The following NEXMIF variants were observed in gnomAD, a reference collection of about 807,000 sequenced individuals.
The protein encoded by NEXMIF is XLMR protein related to neurite extension.
In NEXMIF, 8 loss-of-function variants were observed where a neutral mutation model predicts 62.1. The ratio of observed to expected loss-of-function variants is 0.13; its 90% CI spans 0.08 to 0.23. The LOEUF (loss-of-function observed/expected upper bound fraction) is 0.23, where lower values mean the gene tolerates loss of function less well. NEXMIF is among the 10% of genes least tolerant of loss of function. The pLI is 1.00. For missense variants in NEXMIF, 976 were observed against 1,113.3 expected, an observed-to-expected ratio of 0.88 and a Z score of 1.75; for synonymous variants, 404 against 416.6, an observed-to-expected ratio of 0.97 and a Z score of 0.37.
At chrX:74,796,209 T>TATATATATACATATATAATA (rs1491129454) in intron 1 of NEXMIF, among the ~76,000 whole-genome samples, 2 of 46,615 alleles carry the variant, frequency 4.3e-5, no homozygotes, top group South Asian at 9.0e-4. Flanking sequence ...TACATATATA[T>TATATATATACATATATAATA]TATATATATA....
chrX:74,737,078 T>C lies in NEXMIF; in HGVS notation c.*2327A>G, dbSNP rs776879992. 8.9e-6 allele frequency: 1 copy of C among 112,150 alleles called. No individual in the cohort carries two copies. Among genetic ancestry groups the C allele is most frequent in the Non-Finnish European group, 1.9e-5 (1 of 53,154 alleles). 9.2% of individuals were successfully genotyped at this position (112,150 alleles called of 1,213,427 possible). A position where few individuals can be genotyped will look rare whatever the true frequency, so the allele number is the denominator to read the frequency against. On this transcript the variant is annotated 3_prime_UTR_variant, in exon 4 of 4. Transcript: ENST00000055682. ...CCATATTTACTTTTATAAAAACACA[T>C]TGTATTAATGGAACATTTTCTTTAT...
rs1442938788 is a variant in NEXMIF, at chrX:74,742,304, T to C, written c.2253A>G (p.Glu751=). The change falls in exon 3 of 4, where the codon GAA becomes GAG. Residue 751 remains glutamate, a synonymous_variant. Coordinates refer to ENST00000055682, the MANE Select transcript of NEXMIF (RefSeq NM_001008537.3). ...TTAAATTAGCCTTTGAGGATTGGTTTTCCAAGAGAGGGCTCATTTGAACAA... is the reference window on the plus strand; with the variant it reads ...TTAAATTAGCCTTTGAGGATTGGTTCTCCAAGAGAGGGCTCATTTGAACAA... ...KPIVQMSPLL[E]NQSSKANLKN... is the part of the protein sequence containing the mutation. 8.3e-7 allele frequency: 1 copy of C among 1,211,856 alleles called. No homozygotes were observed. The highest frequency in any genetic ancestry group is 1.8e-5 in the South Asian group (1 of 56,987).
chrX:74,880,335 T>C (rs1456940885), intron 1 of NEXMIF, among the ~76,000 whole-genome samples: 1 of 111,365 alleles, frequency 9.0e-6, no homozygotes. Context: ...ATGGAACTCG[T>C]AGCTCAGCAT....
chrX:74,908,971 C>T (rs1177773340), intron 1 of NEXMIF, among the ~76,000 whole-genome samples: 1 of 111,648 alleles, frequency 9.0e-6, no homozygotes, highest in Non-Finnish European at 1.9e-5. Flanking sequence ...CTTTCACCTC[C>T]CGCCATGATT....
chrX:74,919,762 C>T (rs1015822036), intron 1 of NEXMIF, among the ~76,000 whole-genome samples: 1 of 110,928 alleles, frequency 9.0e-6, no homozygotes, highest in Non-Finnish European at 1.9e-5. Context: ...TCTCCTAATG[C>T]TATCCTTCCT....
At chrX:74,867,555 A>G (rs1277784579) in intron 1 of NEXMIF, among the ~76,000 whole-genome samples, 2 of 112,411 alleles carry the variant, frequency 1.8e-5, no homozygotes. Context: ...TATTCAATAA[A>G]TGGTGCTGAG....
intron 1 of NEXMIF, among the ~76,000 whole-genome samples, chrX:74,906,735 T>C (rs1461078143): frequency 9.0e-6 from 1 of 111,034 alleles, no homozygotes; most frequent in African/African-American, 3.3e-5. Flanking sequence ...TTAAGCTAAA[T>C]ATCTTACTAC....
intron 1 of NEXMIF, among the ~76,000 whole-genome samples, chrX:74,789,680 G>C (rs1195567183): frequency 1.8e-5 from 2 of 110,523 alleles, no homozygotes; most frequent in Non-Finnish European, 3.8e-5. Flanking sequence ...ACTGGTGTGA[G>C]ATGGTATCTC....
At chrX:74,768,027 C>T (rs988132581) in intron 1 of NEXMIF, among the ~76,000 whole-genome samples, 7 of 111,143 alleles carry the variant, frequency 6.3e-5, no homozygotes, top group African/African-American at 2.0e-4. Context: ...CTGGGAAGCC[C>T]GGATATCTAA....
intron 1 of NEXMIF, among the ~76,000 whole-genome samples, chrX:74,760,572 A>G (rs2080172842): frequency 9.0e-6 from 1 of 111,576 alleles, no homozygotes; most frequent in African/African-American, 3.3e-5. Flanking sequence ...TTCAATACCT[A>G]GTTTATTGAG....
intron 1 of NEXMIF, among the ~76,000 whole-genome samples, chrX:74,847,339 A>G (rs964917434): frequency 1.8e-5 from 2 of 112,029 alleles, no homozygotes; most frequent in Non-Finnish European, 3.8e-5. Flanking sequence ...CAAAATAAAT[A>G]TAGTTTCTCC....
At chrX:74,822,437 C>A (rs1449770095) in intron 1 of NEXMIF, among the ~76,000 whole-genome samples, 2 of 111,799 alleles carry the variant, frequency 1.8e-5, no homozygotes, top group Admixed American at 9.5e-5. Flanking sequence ...AAAGACACCA[C>A]CAAAAATGGA....
At chrX:74,829,258 C>T (rs756523568) in intron 1 of NEXMIF, among the ~76,000 whole-genome samples, 1 of 112,001 alleles carries the variant, frequency 8.9e-6, no homozygotes, top group Non-Finnish European at 1.9e-5. Context: ...TGAGTTTAAT[C>T]GTTTTGATTA....
intron 1 of NEXMIF, among the ~76,000 whole-genome samples, chrX:74,788,454 C>A (rs959742324): frequency 3.6e-5 from 4 of 111,098 alleles, no homozygotes; most frequent in Non-Finnish European, 7.5e-5. Context: ...GCCCTGTGAG[C>A]ATGAATGGGC....
At chrX:74,768,848 T>C (rs2080202041) in intron 1 of NEXMIF, among the ~76,000 whole-genome samples, 1 of 111,872 alleles carries the variant, frequency 8.9e-6, no homozygotes, top group Non-Finnish European at 1.9e-5. Context: ...CTAATAAAAC[T>C]GGGTCCCGCT....
intron 1 of NEXMIF, among the ~76,000 whole-genome samples, chrX:74,776,481 G>A (rs1426657112): frequency 2.7e-5 from 3 of 110,879 alleles, no homozygotes; most frequent in East Asian, 2.8e-4. Context: ...ATCCCAGCAC[G>A]TTGGGAGGCC....
Position 74,745,662 on chromosome X carries a change from CT to C in NEXMIF, c.-13del. On this transcript the variant is annotated 5_prime_UTR_variant, in exon 2 of 4. The change abolishes the stop of an existing upstream ORF in the 5' untranslated region. Transcript: ENST00000055682. The stretch of plus-strand genomic sequence containing the variant: ...TGTTGGTTATCCATGAATATAACCT[CT>C]TATTGTTTCATTCCAAGTCCAAATG... The C allele has an allele frequency of 9.2e-7, 1 of 1,085,074 alleles. No individual in the cohort carries two copies. The highest frequency in any genetic ancestry group is 1.3e-6 in the Non-Finnish European group (1 of 780,508). The allele number at this position is 1,085,074 out of a possible 1,213,427, so 89.4% of individuals were successfully genotyped here.
chrX:74,792,404 C>T (rs1267288921), intron 1 of NEXMIF, among the ~76,000 whole-genome samples: 7 of 104,832 alleles, frequency 6.7e-5, no homozygotes, highest in Non-Finnish European at 1.2e-4. Flanking sequence ...AGTATGTGGT[C>T]AATTTTGGAA....
intron 1 of NEXMIF, among the ~76,000 whole-genome samples, chrX:74,855,659 G>A (rs1347315543): frequency 8.9e-6 from 1 of 112,155 alleles, no homozygotes; most frequent in Non-Finnish European, 1.9e-5. Context: ...GACTGACCCT[G>A]AGGTTCTAAG....
Sources: gnomAD v4.1 joint callset for allele counts (sites outside exome capture counted in the v4.1 genomes callset) on GRCh38, gnomAD v4.1.1 for gene constraint, MANE v1.5 for transcripts, NCBI Gene and HGNC (gene_info 2026-07-23, HGNC 2026-07-21) for gene names.